BCAS3: variants seen among roughly 807,000 people sequenced by gnomAD.
The protein encoded by BCAS3 is BCAS3 microtubule associated cell migration factor.
Under a neutral mutation model 116.1 loss-of-function variants are expected in BCAS3, and 53 were observed. The observed-to-expected ratio is 0.46, with a 90% CI of 0.37 to 0.57. BCAS3 has a LOEUF of 0.57. BCAS3 is among the 20% of genes least tolerant of loss of function. The pLI is 0.00. For synonymous variants in BCAS3, 391 were observed against 408.2 expected, an observed-to-expected ratio of 0.96 and a Z score of 0.51; for missense variants, 917 against 1,165.4, an observed-to-expected ratio of 0.79 and a Z score of 3.10.
chr17:61,153,225 A>G lies in BCAS3; in HGVS notation c.2425+68661A>G, dbSNP rs565783308. Among the ~76,000 whole-genome samples, 5 of 152,270 alleles carry G rather than the reference A, an allele frequency of 3.3e-5. No individual in the cohort carries two copies. In the East Asian group the frequency reaches 9.7e-4, roughly 29 times the overall value. ...CTATTGTAACTAACTTGTTGTTCCC[A>G]TAATACAATGTTGTAGGACAGTGCT... is the stretch of plus-strand genomic sequence containing the variant. On this transcript the variant is annotated intron_variant, in intron 22 of 23. Coordinates refer to ENST00000407086, the MANE Select transcript of BCAS3 (RefSeq NM_017679.5).
At chr17:60,936,557 G>T (rs2059938223) in intron 13 of BCAS3, among the ~76,000 whole-genome samples, 1 of 152,158 alleles carries the variant, frequency 6.6e-6, no homozygotes, top group Non-Finnish European at 1.5e-5. Flanking sequence ...CATTCTAACT[G>T]GTGTGAGATG....
intron 13 of BCAS3, among the ~76,000 whole-genome samples, chr17:60,931,487 G>T (rs1008085438): frequency 1.3e-5 from 2 of 151,980 alleles, no homozygotes; most frequent in African/African-American, 4.8e-5. Context: ...ATGTTGCACG[G>T]GCTGGTCTCA....
In BCAS3 at chr17:61,258,360, C is replaced by T. The variant is rs80126800; in HGVS notation, c.2426-109967C>T. Among the ~76,000 whole-genome samples, 1,789 of 152,244 alleles carry T rather than the reference C, an allele frequency of 0.012. 28 individuals carry two copies. Among genetic ancestry groups the T allele is most frequent in the African/African-American group, 0.04 (1,650 of 41,528 alleles). ...TTTAGATATCCACCATAATGTGTAG[C>T]GTAGTTCCTAGGAGGCTGCATGGTA... is the stretch of plus-strand genomic sequence containing the variant. On this transcript the variant is annotated intron_variant, in intron 22 of 23. Coordinates refer to ENST00000407086, the MANE Select transcript of BCAS3 (RefSeq NM_017679.5). The surrounding 1 kb of genome is among the most constrained non-coding windows in gnomAD (Gnocchi z 4.7).
At chr17:60,908,081 A>G (rs1033984161) in intron 11 of BCAS3, among the ~76,000 whole-genome samples, 1 of 152,154 alleles carries the variant, frequency 6.6e-6, no homozygotes. Flanking sequence ...TTGCTATACA[A>G]ATTGCATATT....
At chr17:60,723,711 CTTTTTTTTTTTT>C (rs549083159) in intron 5 of BCAS3, among the ~76,000 whole-genome samples, 14 of 88,894 alleles carry the variant, frequency 1.6e-4, no homozygotes, top group African/African-American at 3.1e-4. Flanking sequence ...CACTTTCTTT[CTTTTTTTTTTTT>C]TTTTTTTTTT....
intron 14 of BCAS3, among the ~76,000 whole-genome samples, chr17:60,977,913 T>C (rs2145382767): frequency 1.4e-5 from 2 of 143,404 alleles, no homozygotes; most frequent in African/African-American, 6.0e-5. Flanking sequence ...GTTGGACATT[T>C]GGGTTGGTTC....
At chr17:60,829,319 C>A (rs1042865742) in intron 7 of BCAS3, among the ~76,000 whole-genome samples, 1 of 151,678 alleles carries the variant, frequency 6.6e-6, no homozygotes, top group Non-Finnish European at 1.5e-5. Flanking sequence ...ATGGTGAAAC[C>A]CTCTCTCTAC....
At chr17:61,295,701 C>T (rs1418397308) in intron 22 of BCAS3, among the ~76,000 whole-genome samples, 1 of 151,858 alleles carries the variant, frequency 6.6e-6, no homozygotes, top group Non-Finnish European at 1.5e-5. Flanking sequence ...GCCTGTAATC[C>T]CAGCACTTTG....
At position 61,042,675 on chromosome 17, in the gene BCAS3, G is replaced by A. The variant is rs561402537; in HGVS notation, c.2029+1783G>A. ...GGCTGAAGCGGGAGGATCACTTGAG[G>A]TCAGGAGTTTGAGACCAGCCTGGCC... On this transcript the variant is annotated intron_variant, in intron 19 of 23. Coordinates refer to ENST00000407086, the MANE Select transcript of BCAS3 (RefSeq NM_017679.5). Among the ~76,000 whole-genome samples, 3 of 151,242 alleles carry A rather than the reference G, an allele frequency of 2.0e-5. No homozygotes were observed. In the South Asian group the frequency reaches 6.3e-4, roughly 32 times the overall value.
intron 5 of BCAS3, chr17:60,720,021 G>C (rs1194632274): frequency 6.6e-6 from 1 of 152,170 alleles, no homozygotes; most frequent in Non-Finnish European, 1.5e-5. Flanking sequence ...AGCAAAAATT[G>C]TATAGCATAT....
rs565868506 is a variant in BCAS3 at position 60,905,623 on chromosome 17, C to T, written c.822+2920C>T. 6.6e-5 allele frequency among the ~76,000 whole-genome samples: 10 copies of T among 152,178 alleles called. No individual in the cohort carries two copies. The South Asian group carries it at 1.2e-3, about 19-fold the overall frequency. ...TATTATGACTTGAGTCCTTGTGAAGCGGTGTCATTTGTCTGGGGTAATACC... is the reference window on the plus strand; with the variant it reads ...TATTATGACTTGAGTCCTTGTGAAGTGGTGTCATTTGTCTGGGGTAATACC... On this transcript the variant is annotated intron_variant, in intron 11 of 23. Transcript: ENST00000407086.
intron 22 of BCAS3, among the ~76,000 whole-genome samples, chr17:61,296,127 C>T (rs2052880966): frequency 6.6e-6 from 1 of 152,138 alleles, no homozygotes; most frequent in Non-Finnish European, 1.5e-5. Flanking sequence ...AAAATTTCTT[C>T]CTAGCGACAT....
Position 61,168,963 on chromosome 17 carries a change from G to T in BCAS3, c.2425+84399G>T, listed in dbSNP as rs150688893. Among the ~76,000 whole-genome samples, 498 of 152,274 alleles carry T rather than the reference G, an allele frequency of 3.3e-3. 5 individuals are homozygous for T. The highest frequency in any genetic ancestry group is 0.011 in the African/African-American group (467 of 41,550). ...AAAAGTCTCACCTCTCAAGGTATAA[G>T]TGTGGATAAATACTCTCACATGTGC... On this transcript the variant is annotated intron_variant, in intron 22 of 23. Coordinates refer to ENST00000407086, the MANE Select transcript of BCAS3 (RefSeq NM_017679.5).
In BCAS3 at chr17:60,747,106, A is replaced by G; in HGVS notation, c.322-92A>G. The G allele has an allele frequency of 3.6e-6, 3 of 825,156 alleles. No homozygotes were observed. In the South Asian group the frequency reaches 5.4e-5, roughly 15 times the overall value. 51.1% of individuals were successfully genotyped at this position (825,156 alleles called of 1,614,324 possible). A position where few individuals can be genotyped will look rare whatever the true frequency, so the allele number is the denominator to read the frequency against. ...TATGTATATATATTTCAGACAAAAT[A>G]TTGTTATAAAATTTAGAAGATCTTG... On this transcript the variant is annotated intron_variant, in intron 5 of 23. Coordinates refer to ENST00000407086, the MANE Select transcript of BCAS3 (RefSeq NM_017679.5).
intron 6 of BCAS3, among the ~76,000 whole-genome samples, chr17:60,791,480 T>G (rs2144541165): frequency 6.6e-6 from 1 of 152,222 alleles, no homozygotes; most frequent in Admixed American, 6.5e-5. Flanking sequence ...GAGAGAGACC[T>G]CTATCTCTAC....
rs2058485866 is a variant in BCAS3, at chr17:61,362,210, G to A, written c.2426-6117G>A. Among the ~76,000 whole-genome samples, 1 of 152,214 alleles carries A rather than the reference G, an allele frequency of 6.6e-6. No homozygotes were observed. Among genetic ancestry groups the A allele is most frequent in the Non-Finnish European group, 1.5e-5 (1 of 68,036 alleles). On this transcript the variant is annotated intron_variant, in intron 22 of 23. Transcript: ENST00000407086. The surrounding 1 kb of genome is among the most constrained non-coding windows in gnomAD (Gnocchi z 4.4). ...GTTTGGTGAGCAGTTTGGTAAGCTT[G>A]CCAAGGAGGCTCCCCTCTACACTGG...
chr17:61,080,309 TTA>T (rs1348832801), intron 21 of BCAS3, among the ~76,000 whole-genome samples: 1 of 152,172 alleles, frequency 6.6e-6, no homozygotes, highest in Admixed American at 6.5e-5. Flanking sequence ...CTTCACCAAC[TTA>T]TGTCATTTCT....
At position 60,947,635 on chromosome 17, in the gene BCAS3, A is replaced by G. The variant is rs2060582404; in HGVS notation, c.1221+283A>G. On this transcript the variant is annotated intron_variant, in intron 14 of 23. Transcript: ENST00000407086. ...CCTGAGACCATTTCTTGCCCCAGGG[A>G]AAACTCCTGTCATTCATTTGCTGTC... Among the ~76,000 whole-genome samples, 3 of 152,188 alleles carry G rather than the reference A, an allele frequency of 2.0e-5. No homozygotes were observed. In the South Asian group the frequency reaches 6.2e-4, roughly 31 times the overall value.
chr17:61,143,180 G>C (rs2077014013), intron 22 of BCAS3, among the ~76,000 whole-genome samples: 1 of 152,026 alleles, frequency 6.6e-6, no homozygotes, highest in Non-Finnish European at 1.5e-5. Context: ...CATTGTTCTT[G>C]TTAGTAAAAA....
Sources: gnomAD v4.1 joint callset for allele counts (sites outside exome capture counted in the v4.1 genomes callset) on GRCh38, gnomAD v4.1.1 for gene constraint, Gnocchi (gnomAD v3.1) non-coding constraint, MANE v1.5 for transcripts, NCBI Gene and HGNC (gene_info 2026-07-23, HGNC 2026-07-21) for gene names.